Variants in LMTK3 observed in about 807,000 individuals in gnomAD.
LMTK3 encodes serine/threonine-protein kinase LMTK3.
In LMTK3, 27 loss-of-function variants were observed where a neutral mutation model predicts 116.7. That is an observed-to-expected ratio of 0.23 (90% CI 0.17 to 0.32). The LOEUF (loss-of-function observed/expected upper bound fraction) is 0.32. LMTK3 is among the 10% of genes least tolerant of loss of function. The pLI, the probability that LMTK3 is intolerant of heterozygous loss-of-function variation, is 1.00. For synonymous variants in LMTK3, 965 were observed against 971.0 expected (o/e 0.99, Z 0.11); for missense variants, 1,764 against 2,068.5 (o/e 0.85, Z 2.86).
rs1972211812 is a variant in LMTK3 at position 48,491,044 on chromosome 19, T to C, written c.4366+64A>G. On this transcript the variant is annotated intron_variant, in intron 14 of 14. Coordinates refer to ENST00000600059, the MANE Select transcript of LMTK3 (RefSeq NM_001388485.1). The surrounding 1 kb of genome is among the most constrained non-coding windows in gnomAD (Gnocchi z 5.1). The stretch of plus-strand genomic sequence containing the variant: ...GACATTGAAAGATGGTCACAAGAAG[T>C]TGGCAGTGGAACATAGGGGGACAGA... 2 of 1,077,558 alleles carry C rather than the reference T, an allele frequency of 1.9e-6. No homozygotes were observed. The highest frequency in any genetic ancestry group is 3.2e-5 in the South Asian group (1 of 31,016). The allele number at this position is 1,077,558 out of a possible 1,614,324, so 66.7% of individuals were successfully genotyped here.
intron 12 of LMTK3, among the ~76,000 whole-genome samples, chr19:48,492,695 C>A (rs909075498): frequency 1.3e-5 from 2 of 152,108 alleles, no homozygotes; most frequent in Admixed American, 1.3e-4. Flanking sequence ...AGTCAACAAA[C>A]CATGCCCAAA....
Position 48,511,620 on chromosome 19 carries a change from A to AGGTGGGGGGGGGGGGGGGGG in LMTK3, c.-45_-44insCCCCCCCCCCCCCCCCCACC. The AGGTGGGGGGGGGGGGGGGGG allele has an allele frequency of 8.5e-6, 1 of 118,212 alleles. No individual in the cohort carries two copies. The highest frequency in any genetic ancestry group is 1.5e-5 in the Non-Finnish European group (1 of 66,516). 7.3% of individuals were successfully genotyped at this position (118,212 alleles called of 1,614,324 possible). A position where few individuals can be genotyped will look rare whatever the true frequency, so the allele number is the denominator to read the frequency against. On this transcript the variant is annotated 5_prime_UTR_variant, in exon 1 of 15. Coordinates refer to ENST00000600059, the MANE Select transcript of LMTK3 (RefSeq NM_001388485.1). ...GAGGTGGAGGTGGTGGCGGCTGGGG[A>AGGTGGGGGGGGGGGGGGGGG]GGAGGGGGGGGCGGGCCCTCAGCCC...
At position 48,499,143 on chromosome 19, in the gene LMTK3, CTCT is replaced by C. The variant is rs909666992; in HGVS notation, c.1923_1925del (p.Glu646del). 2.1e-5 allele frequency: 32 copies of C among 1,530,004 alleles called. No homozygotes were observed. Among genetic ancestry groups the C allele is most frequent in the African/African-American group, 8.3e-5 (6 of 72,244 alleles). 94.8% of individuals were successfully genotyped at this position (1,530,004 alleles called of 1,614,324 possible). A position where few individuals can be genotyped will look rare whatever the true frequency, so the allele number is the denominator to read the frequency against. ...CTGGGGAGCTGCCCTCCTCCTCCTC[CTCT>C]TCTTCTTCCACCCACGGGGCGGTCC... On this transcript the variant is annotated inframe_deletion, in exon 11 of 15. Coordinates refer to ENST00000600059, the MANE Select transcript of LMTK3 (RefSeq NM_001388485.1).
Position 48,510,004 on chromosome 19 carries a change from T to C in LMTK3, c.361+19A>G. The C allele has an allele frequency of 9.3e-6, 15 of 1,612,026 alleles. No homozygotes were observed. Among genetic ancestry groups the C allele is most frequent in the Non-Finnish European group, 1.3e-5 (15 of 1,178,478 alleles). The stretch of plus-strand genomic sequence containing the variant: ...TTCCCGGGACACCATGGGATGCTGG[T>C]CATGGCGTGGGGCAGTACCTGAGTG... On this transcript the variant is annotated intron_variant, in intron 3 of 14. Coordinates refer to ENST00000600059, the MANE Select transcript of LMTK3 (RefSeq NM_001388485.1).
Position 48,499,589 on chromosome 19 carries a change from C to G in LMTK3, c.1480G>C (p.Ala494Pro), listed in dbSNP as rs975921604. 6.5e-7 allele frequency: 1 copy of G among 1,535,096 alleles called. No homozygotes were observed. Among genetic ancestry groups the G allele is most frequent in the South Asian group, 1.2e-5 (1 of 83,240 alleles). ...ARRGAGRGGG[A>P]PAWQPASAPP... The stretch of plus-strand genomic sequence containing the variant: ...GCCGACGCCGGCTGCCAGGCAGGTG[C>G]CCCCCCACCCCGGCCGGCCCCACGC... Residue 494 changes from alanine to proline, a missense_variant, in exon 11 of 15, where the codon GCA (alanine) becomes CCA (proline). This residue lies in a region of LMTK3 where 1,028 missense variants were observed against 1,050.6 expected (regional missense o/e 0.98). Transcript: ENST00000600059.
Position 48,501,485 on chromosome 19 carries a change from T to G in LMTK3, c.872A>C (p.Asn291Thr). The G allele has an allele frequency of 6.2e-7, 1 of 1,612,582 alleles. No individual in the cohort carries two copies. Among genetic ancestry groups the G allele is most frequent in the Non-Finnish European group, 8.5e-7 (1 of 1,179,304 alleles). The part of the protein sequence containing the change: ...RIGDYGLAHS[N>T]YKEDYYLTPE... Reference sequence around the variant, plus strand: ...GACGGAAGGAAGCCCTACCTTGTAGTTGCTGTGGGCCAGCCCGTAGTCTCC... The same window carrying G: ...GACGGAAGGAAGCCCTACCTTGTAGGTGCTGTGGGCCAGCCCGTAGTCTCC... Residue 291 changes from asparagine (N) to threonine (T), a missense_variant, in exon 8 of 15, where the codon AAC becomes ACC. Physicochemically the swap from Asn to Thr is moderately conservative, Grantham distance 65 (BLOSUM62 0). Coordinates refer to ENST00000600059, the MANE Select transcript of LMTK3 (RefSeq NM_001388485.1).
In LMTK3 at chr19:48,498,396, C is replaced by T. The variant is rs1442159577; in HGVS notation, c.2673G>A (p.Gly891=). ...TARETGPRKA[G]RGPGNREKVP... ...CTTTCTCTCTGTTCCCGGGGCCTCT[C>T]CCCGCCTTCCTGGGTCCTGTCTCCC... Residue 891 remains glycine (G), a synonymous_variant, in exon 11 of 15, where the codon GGG becomes GGA. Coordinates refer to ENST00000600059, the MANE Select transcript of LMTK3 (RefSeq NM_001388485.1). 1.2e-6 allele frequency: 2 copies of T among 1,611,596 alleles called. No individual in the cohort carries two copies. The highest frequency in any genetic ancestry group is 1.7e-6 in the Non-Finnish European group (2 of 1,179,168).
At position 48,511,749 on chromosome 19, in the gene LMTK3, C is replaced by A; in HGVS notation, c.-173G>T. ...GGGGCTGCTTGCTGGCTCAGGTACC[C>A]CCCTCCCCCTCTTTGAAGGGACAGA... is the stretch of plus-strand genomic sequence containing the variant. On this transcript the variant is annotated 5_prime_UTR_variant, in exon 1 of 15. Transcript: ENST00000600059. 2 of 414,360 alleles carry A rather than the reference C, an allele frequency of 4.8e-6. No individual in the cohort carries two copies. The highest frequency in any genetic ancestry group is 6.9e-5 in the South Asian group (1 of 14,480). The allele number at this position is 414,360 out of a possible 1,614,324, so 25.7% of individuals were successfully genotyped here.
In LMTK3 at chr19:48,499,149, T is replaced by C; in HGVS notation, c.1920A>G (p.Glu640=). 1 of 1,539,566 alleles carries C rather than the reference T, an allele frequency of 6.5e-7. No individual in the cohort carries two copies. Among genetic ancestry groups the C allele is most frequent in the African/African-American group, 1.4e-5 (1 of 72,608 alleles). ...AGCTGCCCTCCTCCTCCTCCTCTTCTTCTTCCACCCACGGGGCGGTCCCCC... is the reference window on the plus strand; with the variant it reads ...AGCTGCCCTCCTCCTCCTCCTCTTCCTCTTCCACCCACGGGGCGGTCCCCC... ...GERGTAPWVE[E]EEEEEEGSSP... Residue 640 remains glutamate, a synonymous_variant, in exon 11 of 15, where the codon GAA becomes GAG. Coordinates refer to ENST00000600059, the MANE Select transcript of LMTK3 (RefSeq NM_001388485.1).
chr19:48,498,634 G>GC lies in LMTK3; in HGVS notation c.2434dup (p.Ala812GlyfsTer728). 1.9e-6 allele frequency: 3 copies of GC among 1,540,680 alleles called. No homozygotes were observed. The highest frequency in any genetic ancestry group is 1.7e-6 in the Non-Finnish European group (2 of 1,143,436). On this transcript the variant is annotated frameshift_variant, in exon 11 of 15. Coordinates refer to ENST00000600059, the MANE Select transcript of LMTK3 (RefSeq NM_001388485.1). LOFTEE classifies it high-confidence loss of function. ...CCGAGGGACCCCTTCCTCCTCGGCC[G>GC]CCCCCCCACCTGGGAAGGCTCCCTC...
rs562124383 is a variant in LMTK3 at position 48,498,928 on chromosome 19, C to T, written c.2141G>A (p.Arg714Gln). ...PEDDSSLRAERGSLADLPMAP... is the reference protein window; with the variant it reads ...PEDDSSLRAEQGSLADLPMAP... ...CATGGGCAAGTCGGCCAGGGAGCCC[C>T]GCTCTGCCCGCAGCGAGGAGTCGTC... is the stretch of plus-strand genomic sequence containing the variant. The change falls in exon 11 of 15, where the codon CGG becomes CAG. Residue 714 changes from arginine to glutamine, a missense_variant. By Grantham distance (43) the Arg-to-Gln change is conservative (BLOSUM62 1). Around this residue, in one of 7 missense-constraint regions of LMTK3, gnomAD observed 1,028 missense variants for 1,050.6 expected, o/e 0.98. Transcript: ENST00000600059. 1.8e-5 allele frequency: 23 copies of T among 1,290,630 alleles called. No individual in the cohort carries two copies. The South Asian group carries it at 4.6e-4, about 26-fold the overall frequency. The allele number at this position is 1,290,630 out of a possible 1,614,324, so 79.9% of individuals were successfully genotyped here.
intron 11 of LMTK3, among the ~76,000 whole-genome samples, chr19:48,495,137 G>C (rs1305280834): frequency 2.0e-5 from 3 of 151,878 alleles, no homozygotes; most frequent in Non-Finnish European, 1.5e-5. Context: ...AGCCTCCCGA[G>C]TAGCTGGGAT....
Position 48,503,005 on chromosome 19 carries a change from T to A in LMTK3, c.558-9A>T, listed in dbSNP as rs751033210. 1.9e-6 allele frequency: 3 copies of A among 1,599,484 alleles called. No homozygotes were observed. Among genetic ancestry groups the A allele is most frequent in the Non-Finnish European group, 2.6e-6 (3 of 1,168,432 alleles). ...TGGGGTGCTGCAGGCTCCTGTGGAG[T>A]GAGGAGGTGGCTGAGTTGGGAAGGC... On this transcript the variant is annotated splice_polypyrimidine_tract_variant and intron_variant, in intron 5 of 14. Coordinates refer to ENST00000600059, the MANE Select transcript of LMTK3 (RefSeq NM_001388485.1).
At chr19:48,486,279 T>G (rs1362332795) in intron 14 of LMTK3, among the ~76,000 whole-genome samples, 1 of 150,396 alleles carries the variant, frequency 6.6e-6, no homozygotes, top group Non-Finnish European at 1.5e-5. Context: ...CGGGATGGTC[T>G]CGACCTCCTG....
Position 48,493,827 on chromosome 19 carries a change from G to A in LMTK3, c.3959C>T (p.Ala1320Val). The change falls in exon 12 of 15, where the codon GCG becomes GTG. Residue 1320 changes from alanine to valine, a missense_variant. Transcript: ENST00000600059. ...CCCCCGCAGCGGGCGGGCCGCGTCC[G>A]CGTCGGCGCTGCTCACCACGACGGG... Reference protein sequence around the residue: ...PVPVVVSSADADAARPLRGLL... With the variant: ...PVPVVVSSADVDAARPLRGLL... 6.7e-7 allele frequency: 1 copy of A among 1,488,920 alleles called. No individual in the cohort carries two copies. Among genetic ancestry groups the A allele is most frequent in the Non-Finnish European group, 8.9e-7 (1 of 1,120,114 alleles). 92.2% of individuals were successfully genotyped at this position (1,488,920 alleles called of 1,614,324 possible).
At chr19:48,501,891 T>G in intron 7 of LMTK3, among the ~76,000 whole-genome samples, 1 of 138,606 alleles carries the variant, frequency 7.2e-6, no homozygotes, top group South Asian at 2.6e-4. Flanking sequence ...GTGACCCTGC[T>G]TCCCCCTCAC....
intron 14 of LMTK3, among the ~76,000 whole-genome samples, 165 bp downstream of exon 14, chr19:48,490,943 G>A (rs1013614032): frequency 6.6e-6 from 1 of 152,226 alleles, no homozygotes. Context: ...CGCCTGGTCT[G>A]AGCTGGTTCC....
At chr19:48,490,006 C>A (rs937465910) in intron 14 of LMTK3, among the ~76,000 whole-genome samples, 6 of 148,510 alleles carry the variant, frequency 4.0e-5, no homozygotes, top group Non-Finnish European at 5.9e-5. Flanking sequence ...CCCTGCTCTC[C>A]CAGAGTGGCC....
Position 48,497,751 on chromosome 19 carries a change from C to A in LMTK3, c.3318G>T (p.Arg1106Ser). 7.4e-7 allele frequency: 1 copy of A among 1,352,828 alleles called. No homozygotes were observed. Among genetic ancestry groups the A allele is most frequent in the Non-Finnish European group, 9.5e-7 (1 of 1,057,948 alleles). The allele number at this position is 1,352,828 out of a possible 1,614,324, so 83.8% of individuals were successfully genotyped here. ...CTCGGCCCCCACTCCCGAGGTCCAG[C>A]CTCCCAGCCCCTGGGGCTCTCGGCG... ...GGAPRAPGAG[R>S]LDLGSGGRAP... Residue 1106 changes from arginine (R) to serine (S), a missense_variant, in exon 11 of 15, where the codon AGG (arginine) becomes AGT (serine). By Grantham distance (110) the Arg-to-Ser change is moderately radical. Coordinates refer to ENST00000600059, the MANE Select transcript of LMTK3 (RefSeq NM_001388485.1). The surrounding 1 kb of genome is among the most constrained non-coding windows in gnomAD (Gnocchi z 5.7).
Sources: gnomAD v4.1 joint callset for allele counts (sites outside exome capture counted in the v4.1 genomes callset) on GRCh38, gnomAD v4.1.1 for gene constraint, gnomAD v4.1.1 regional missense constraint, Gnocchi (gnomAD v3.1) non-coding constraint, MANE v1.5 for transcripts, NCBI Gene and HGNC (gene_info 2026-07-23, HGNC 2026-07-21) for gene names.